Variants in CEP290 observed in about 807,000 individuals in gnomAD.
CEP290 encodes centrosomal protein 290.
Under a neutral mutation model 344.9 loss-of-function variants are expected in CEP290, and 317 were observed. That is an observed-to-expected ratio of 0.92 (90% CI 0.84 to 1.01). CEP290 has a LOEUF of 1.01. CEP290 is among the 50% of genes least tolerant of loss of function. The pLI is 0.00. For missense variants in CEP290, 2,754 were observed against 2,761.4 expected, an observed-to-expected ratio of 1.00 and a Z score of 0.06; for synonymous variants, 932 against 895.8, an observed-to-expected ratio of 1.04 and a Z score of -0.72.
Position 88,130,384 on chromosome 12 carries a change from T to G in CEP290, c.553A>C (p.Lys185Gln). 1.2e-6 allele frequency: 2 copies of G among 1,610,260 alleles called. No homozygotes were observed. The highest frequency in any genetic ancestry group is 1.7e-6 in the Non-Finnish European group (2 of 1,178,634). Residue 185 changes from lysine (K) to glutamine (Q), a missense_variant, in exon 9 of 54, where the codon AAA becomes CAA. Transcript: ENST00000552810. Reference sequence around the variant, plus strand: ...GTTTCTTTCTGTGAATCTATTTGTTTCTGGTAGTCAATAATATCCTGACAA... The same window carrying G: ...GTTTCTTTCTGTGAATCTATTTGTTGCTGGTAGTCAATAATATCCTGACAA... ...QLCQDIIDYQ[K>Q]QIDSQKETLL... is the part of the protein sequence containing the mutation.
At position 88,079,219 on chromosome 12, in the gene CEP290, C is replaced by T. The variant is rs61941020; in HGVS notation, c.5237G>A (p.Arg1746Gln). 9.6e-3 allele frequency: 15,221 copies of T among 1,577,480 alleles called. 162 individuals carry two copies. Among genetic ancestry groups the T allele is most frequent in the South Asian group, 0.04 (3,317 of 81,926 alleles). The change falls in exon 39 of 54, where the codon CGG becomes CAG. Residue 1746 changes from arginine (R) to glutamine (Q), a missense_variant. Physicochemically the swap from Arg to Gln is conservative, Grantham distance 43. Transcript: ENST00000552810. ...TTCTGCCCGGAGTTCTAAAAGTGCC[C>T]GACTAAGTGCCTAAAAATTAACCAA... The part of the protein sequence containing the change: ...LKEKQQKALS[R>Q]ALLELRAEMT...
At position 88,114,580 on chromosome 12, in the gene CEP290, T is replaced by C. The variant is rs1338134245; in HGVS notation, c.1910-18A>G. Reference sequence around the variant, plus strand: ...TTCTTTTACTGTAATTACACAGTTTTCTCATTGGATGATCAGATCTTTTTC... The same window carrying C: ...TTCTTTTACTGTAATTACACAGTTTCCTCATTGGATGATCAGATCTTTTTC... On this transcript the variant is annotated intron_variant, in intron 19 of 53. Coordinates refer to ENST00000552810, the MANE Select transcript of CEP290 (RefSeq NM_025114.4). 6.6e-7 allele frequency: 1 copy of C among 1,520,858 alleles called. No individual in the cohort carries two copies. Among genetic ancestry groups the C allele is most frequent in the Admixed American group, 2.2e-5 (1 of 45,646 alleles). 94.2% of individuals were successfully genotyped at this position (1,520,858 alleles called of 1,614,324 possible). A position where few individuals can be genotyped will look rare whatever the true frequency, so the allele number is the denominator to read the frequency against.
Position 88,080,247 on chromosome 12 carries a change from T to A in CEP290, c.5161A>T (p.Thr1721Ser). 1 of 1,613,656 alleles carries A rather than the reference T, an allele frequency of 6.2e-7. No homozygotes were observed. Among genetic ancestry groups the A allele is most frequent in the Non-Finnish European group, 8.5e-7 (1 of 1,179,720 alleles). Residue 1721 changes from threonine (T) to serine (S), a missense_variant, in exon 38 of 54, where the codon ACT becomes TCT. Physicochemically the swap from Thr to Ser is moderately conservative, Grantham distance 58. Coordinates refer to ENST00000552810, the MANE Select transcript of CEP290 (RefSeq NM_025114.4). The stretch of plus-strand genomic sequence containing the variant: ...CGTTCTACTAGATTTCTCATTGTAG[T>A]TGTTGGAGCTCTTGAATTTGCTTCT... The part of the protein sequence containing the change: ...QKEANSRAPT[T>S]TMRNLVERLK...
intron 6 of CEP290, among the ~76,000 whole-genome samples, chr12:88,132,098 T>A (rs2040107791): frequency 6.6e-6 from 1 of 152,228 alleles, no homozygotes; most frequent in Admixed American, 6.5e-5. Flanking sequence ...AGAAAAATGA[T>A]CAGTGAATAG....
chr12:88,099,126 T>A (rs1473228818), intron 26 of CEP290, among the ~76,000 whole-genome samples: 1 of 152,150 alleles, frequency 6.6e-6, no homozygotes, highest in African/African-American at 2.4e-5. Context: ...GAACTCCAGA[T>A]GAGTGATGAT....
At chr12:88,132,880 C>T (rs750635113) in intron 6 of CEP290, among the ~76,000 whole-genome samples, 55 of 152,090 alleles carry the variant, frequency 3.6e-4, no homozygotes, top group Non-Finnish European at 4.0e-4. Flanking sequence ...TCCTGATGTT[C>T]TCCCACCCCG....
rs762589613 is a variant in CEP290 at position 88,079,253 on chromosome 12, T to A, written c.5227-24A>T. 7.7e-6 allele frequency: 12 copies of A among 1,548,468 alleles called. No homozygotes were observed. The African/African-American group carries it at 9.8e-5, about 13-fold the overall frequency. On this transcript the variant is annotated intron_variant, in intron 38 of 53. Transcript: ENST00000552810. ...GCCTAAAAATTAACCAAAAAAAAAA[T>A]GTAATTTTTAAAGGAAAACTGACAT...
intron 20 of CEP290, 126 bp downstream of exon 20, chr12:88,114,294 A>C: frequency 1.4e-6 from 1 of 713,530 alleles, no homozygotes; most frequent in East Asian, 3.1e-5. Context: ...ACTACACTTT[A>C]CATACAGGGA....
chr12:88,093,608 A>G, intron 28 of CEP290, 162 bp downstream of exon 28: 1 of 547,560 alleles, frequency 1.8e-6, no homozygotes, highest in Non-Finnish European at 3.1e-6. Flanking sequence ...TTCCTTTTAA[A>G]CAATTCAGAT....
rs113165267 is a variant in CEP290 at position 88,123,524 on chromosome 12, G to A, written c.1189+1722C>T. Reference sequence around the variant, plus strand: ...TCTTCCTTGGTTACATTCCTCATGTGGTTTTCAGGGCTCTCCATACTCCTG... The same window carrying A: ...TCTTCCTTGGTTACATTCCTCATGTAGTTTTCAGGGCTCTCCATACTCCTG... On this transcript the variant is annotated intron_variant, in intron 13 of 53. Coordinates refer to ENST00000552810, the MANE Select transcript of CEP290 (RefSeq NM_025114.4). 2.8e-4 allele frequency among the ~76,000 whole-genome samples: 43 copies of A among 152,086 alleles called. 1 individual carries two copies. Among genetic ancestry groups the A allele is most frequent in the African/African-American group, 9.9e-4 (41 of 41,508 alleles).
chr12:88,096,931 T>C lies in CEP290; in HGVS notation c.3060A>G (p.Lys1020=), dbSNP rs948320708. The change falls in exon 27 of 54, where the codon AAA becomes AAG. Residue 1020 remains lysine, a synonymous_variant. Coordinates refer to ENST00000552810, the MANE Select transcript of CEP290 (RefSeq NM_025114.4). Reference sequence around the variant, plus strand: ...CCCAGGCTTGTTCAATAGTGTGAAGTTTTTCCTTGGTAATCTCCAGTTCTT... The same window carrying C: ...CCCAGGCTTGTTCAATAGTGTGAAGCTTTTCCTTGGTAATCTCCAGTTCTT... The part of the protein sequence containing the change: ...INKELEITKE[K]LHTIEQAWEQ... The C allele has an allele frequency of 6.3e-7, 1 of 1,583,388 alleles. No individual in the cohort carries two copies. The highest frequency in any genetic ancestry group is 1.3e-5 in the African/African-American group (1 of 74,450).
At chr12:88,068,747 A>G in intron 43 of CEP290, 102 bp from the exon 44 acceptor site, 1 of 1,132,470 alleles carries the variant, frequency 8.8e-7, no homozygotes, top group Non-Finnish European at 1.2e-6. Flanking sequence ...CAGTGTGTTT[A>G]TTAACACTAT....
In CEP290 at chr12:88,090,859, T is replaced by C; in HGVS notation, c.3462-20A>G. The stretch of plus-strand genomic sequence containing the variant: ...CTCAGTCTAGGAAATGATAAGGTAT[T>C]TCAGGAACAATTAAGTACACTTTCT... On this transcript the variant is annotated intron_variant, in intron 29 of 53. Coordinates refer to ENST00000552810, the MANE Select transcript of CEP290 (RefSeq NM_025114.4). The C allele has an allele frequency of 6.9e-7, 1 of 1,447,944 alleles. No homozygotes were observed. 89.7% of individuals were successfully genotyped at this position (1,447,944 alleles called of 1,614,324 possible).
At position 88,118,699 on chromosome 12, in the gene CEP290, T is replaced by C. The variant is rs1365473537; in HGVS notation, c.1567A>G (p.Ser523Gly). Residue 523 changes from serine (S) to glycine (G), a missense_variant, in exon 16 of 54, where the codon AGC (serine) becomes GGC (glycine). Transcript: ENST00000552810. ...TACTGCTGCTGTTTTAAGTGTTTGC[T>C]ATTTCTAAATTCAGTTAAATCAATC... ...TMIDLTEFRN[S>G]KHLKQQQYRA... The C allele has an allele frequency of 6.2e-7, 1 of 1,613,316 alleles. No homozygotes were observed. Among genetic ancestry groups the C allele is most frequent in the Non-Finnish European group, 8.5e-7 (1 of 1,179,668 alleles).
At chr12:88,131,879 T>C (rs1407126477) in intron 6 of CEP290, among the ~76,000 whole-genome samples, 1 of 152,230 alleles carries the variant, frequency 6.6e-6, no homozygotes, top group Non-Finnish European at 1.5e-5. Context: ...TAGACTATTA[T>C]TTGCTCTCAG....
intron 28 of CEP290, among the ~76,000 whole-genome samples, chr12:88,093,084 T>C (rs1199014148): frequency 6.6e-6 from 1 of 152,134 alleles, no homozygotes; most frequent in East Asian, 1.9e-4. Context: ...TCTAATAATA[T>C]CTGAACTTGC....
chr12:88,081,871 A>T (rs1408937468), intron 37 of CEP290, among the ~76,000 whole-genome samples: 2 of 152,260 alleles, frequency 1.3e-5, no homozygotes. Context: ...AATTTACTAG[A>T]CCAAAAATAA....
chr12:88,135,050 C>T (rs1181464487), intron 6 of CEP290, among the ~76,000 whole-genome samples: 4 of 152,098 alleles, frequency 2.6e-5, no homozygotes, highest in Non-Finnish European at 5.9e-5. Context: ...CCCTAAGTAT[C>T]ATATTATCAC....
intron 22 of CEP290, among the ~76,000 whole-genome samples, chr12:88,109,484 A>G (rs1480705736): frequency 6.6e-6 from 1 of 152,216 alleles, no homozygotes; most frequent in East Asian, 1.9e-4. Flanking sequence ...TCTTATGAAC[A>G]CATAATTTCA....
Sources: gnomAD v4.1 joint callset for allele counts (sites outside exome capture counted in the v4.1 genomes callset) on GRCh38, gnomAD v4.1.1 for gene constraint, MANE v1.5 for transcripts, NCBI Gene and HGNC (gene_info 2026-07-23, HGNC 2026-07-21) for gene names.